The following ESR1 variants were observed in gnomAD, a reference collection of about 807,000 sequenced individuals.
ESR1 encodes estrogen receptor 1, also known as estrogen receptor.
Under a neutral mutation model 52.7 loss-of-function variants are expected in ESR1, and 12 were observed. The ratio of observed to expected loss-of-function variants is 0.23; its 90% CI spans 0.15 to 0.37. ESR1 has a LOEUF of 0.37. Ranked by LOEUF, ESR1 falls within the 10% of genes least tolerant of loss-of-function variation. The probability of loss-of-function intolerance (pLI) is 1.00; values close to 1 mark genes in which losing one functional copy is unlikely to be tolerated. For synonymous variants in ESR1, 305 were observed against 316.8 expected, an observed-to-expected ratio of 0.96 and a Z score of 0.39; for missense variants, 584 against 779.7, an observed-to-expected ratio of 0.75 and a Z score of 2.99.
intron 2 of ESR1, among the ~76,000 whole-genome samples, chr6:151,860,293 CTT>C: frequency 6.6e-6 from 1 of 152,230 alleles, no homozygotes; most frequent in Non-Finnish European, 1.5e-5. Flanking sequence ...TGAAATCTCT[CTT>C]AGCAAATTTC....
At chr6:151,866,843 A>G (rs1342227612) in intron 2 of ESR1, among the ~76,000 whole-genome samples, 1 of 152,180 alleles carries the variant, frequency 6.6e-6, no homozygotes, top group Non-Finnish European at 1.5e-5. Flanking sequence ...GTATATACCC[A>G]GTAATGGGAT....
intron 5 of ESR1, among the ~76,000 whole-genome samples, chr6:152,054,498 G>A (rs1300158566): frequency 1.3e-5 from 2 of 150,672 alleles, no homozygotes; most frequent in African/African-American, 4.9e-5. Flanking sequence ...TTCCAGACTC[G>A]TCTCTCTCCC....
intron 2 of ESR1, among the ~76,000 whole-genome samples, chr6:151,766,166 AC>A (rs1194396584): frequency 2.6e-5 from 4 of 152,076 alleles, no homozygotes; most frequent in Non-Finnish European, 5.9e-5. Context: ...TTTTTGAAGC[AC>A]CCCTCTCTTC....
intron 6 of ESR1, among the ~76,000 whole-genome samples, chr6:152,089,037 C>A: frequency 6.6e-6 from 1 of 152,048 alleles, no homozygotes; most frequent in South Asian, 2.1e-4. Context: ...GTCTCTAGAA[C>A]TTAACAAGGC....
chr6:151,903,689 C>T (rs1165157825), intron 3 of ESR1, among the ~76,000 whole-genome samples: 1 of 152,212 alleles, frequency 6.6e-6, no homozygotes, highest in Non-Finnish European at 1.5e-5. Flanking sequence ...CAGGGAAGAG[C>T]ACCCCTGCCG....
Position 151,892,479 on chromosome 6 carries a change from T to G in ESR1, c.760+11708T>G, listed in dbSNP as rs188029461. ...CACAAAAATGAGTTTGATGCTTTCA[T>G]GATAGTGAAATGAGAAGATGGCCAT... On this transcript the variant is annotated intron_variant, in intron 3 of 7. Coordinates refer to ENST00000206249, the MANE Select transcript of ESR1 (RefSeq NM_000125.4). Among the ~76,000 whole-genome samples, 52 of 151,968 alleles carry G rather than the reference T, an allele frequency of 3.4e-4. No homozygotes were observed. The East Asian group carries it at 7.5e-3, about 22-fold the overall frequency.
At chr6:151,682,969 A>G (rs1778515719) in intron 1 of ESR1, among the ~76,000 whole-genome samples, 1 of 152,174 alleles carries the variant, frequency 6.6e-6, no homozygotes, top group African/African-American at 2.4e-5. Context: ...AAATGCATTC[A>G]TTTTCTAAAT....
At chr6:151,994,528 G>A (rs11969635) in intron 4 of ESR1, among the ~76,000 whole-genome samples, 1,830 of 152,194 alleles carry the variant, frequency 0.012, 35 homozygotes, top group African/African-American at 0.042. Context: ...CAGATAGACC[G>A]TAAGGGTGAG....
At chr6:151,846,961 T>C (rs539107259) in intron 2 of ESR1, among the ~76,000 whole-genome samples, 1 of 152,328 alleles carries the variant, frequency 6.6e-6, no homozygotes, top group South Asian at 2.1e-4. Context: ...ACTGCTTCTC[T>C]TTCATTATTA....
chr6:151,851,549 A>G lies in ESR1; in HGVS notation c.643+8762A>G, dbSNP rs559748866. 6.7e-4 allele frequency among the ~76,000 whole-genome samples: 93 copies of G among 139,832 alleles called. 1 individual carries two copies. Among genetic ancestry groups the G allele is most frequent in the Non-Finnish European group, 1.2e-3 (78 of 65,206 alleles). The allele number at this position is 139,832 out of a possible 152,430, so 91.7% of individuals were successfully genotyped here. On this transcript the variant is annotated intron_variant, in intron 2 of 7. Coordinates refer to ENST00000206249, the MANE Select transcript of ESR1 (RefSeq NM_000125.4). ...GAAGGAGTTTTTTTTTTTTTTTGAG[A>G]CAGAGTCTCACTCTGTCACTGAGGC...
At chr6:151,753,357 G>A (rs143994842) in intron 2 of ESR1, among the ~76,000 whole-genome samples, 2,956 of 144,524 alleles carry the variant, frequency 0.02, 37 homozygotes, top group East Asian at 0.032. Flanking sequence ...TCTGACTCTC[G>A]CCCAGGCTGG....
intron 4 of ESR1, among the ~76,000 whole-genome samples, chr6:151,992,350 C>G (rs2041105545): frequency 6.6e-6 from 1 of 152,146 alleles, no homozygotes; most frequent in Non-Finnish European, 1.5e-5. Context: ...AGGAAACCTC[C>G]CATCTACTTT....
At position 152,113,628 on chromosome 6, in the gene ESR1, CAACAATTTT is replaced by C. The variant is rs571559960; in HGVS notation, c.851-11626_851-11618del. ...ACCACAATCTTAAAAAAGAAAGAAACAACAATTTTAACAATTTTAAGAGACTTTCTCCTC... is the reference window on the plus strand; with the variant it reads ...ACCACAATCTTAAAAAAGAAAGAAACAACAATTTTAAGAGACTTTCTCCTC... On this transcript the variant is annotated intron_variant, in intron 6 of 6. Transcript: ENST00000427531. 6.6e-5 allele frequency among the ~76,000 whole-genome samples: 10 copies of C among 151,798 alleles called. 1 individual carries two copies. The East Asian group carries it at 1.9e-3, about 29-fold the overall frequency.
Position 152,122,335 on chromosome 6 carries a change from G to A in ESR1, c.851-2931G>A, listed in dbSNP as rs571719631. On this transcript the variant is annotated intron_variant, in intron 6 of 6. Coordinates refer to the ESR1 transcript ENST00000427531. ...GAGGGCTAAAGCTGCCACACCGAGG[G>A]CTTTCGCCAAGATCAAGGTCCTCTT... 303 of 1,599,532 alleles carry A rather than the reference G, an allele frequency of 1.9e-4. No homozygotes were observed. The highest frequency in any genetic ancestry group is 7.0e-4 in the Admixed American group (42 of 59,962).
intron 1 of ESR1, among the ~76,000 whole-genome samples, chr6:151,664,188 T>C (rs1447673357): frequency 6.6e-6 from 1 of 152,210 alleles, no homozygotes; most frequent in East Asian, 1.9e-4. Flanking sequence ...GAGAAAACTG[T>C]GTTTAAATCA....
chr6:151,864,570 C>T (rs1789503481), intron 2 of ESR1, among the ~76,000 whole-genome samples: 1 of 152,146 alleles, frequency 6.6e-6, no homozygotes, highest in Non-Finnish European at 1.5e-5. Flanking sequence ...CCATTTGACC[C>T]AGCCATCCCA....
intron 4 of ESR1, among the ~76,000 whole-genome samples, chr6:151,972,668 G>A (rs1366174715): frequency 2.6e-5 from 4 of 152,168 alleles, no homozygotes; most frequent in Non-Finnish European, 5.9e-5. Context: ...AATGGCACCT[G>A]TATTAGGGTT....
At chr6:152,035,726 A>G (rs147578488) in intron 5 of ESR1, among the ~76,000 whole-genome samples, 30 of 152,322 alleles carry the variant, frequency 2.0e-4, no homozygotes, top group South Asian at 6.2e-4. Context: ...ACATTGACTA[A>G]ATAAATAGAA....
chr6:151,772,425 C>T (rs1468524141), intron 2 of ESR1, among the ~76,000 whole-genome samples: 2 of 152,184 alleles, frequency 1.3e-5, no homozygotes, highest in Non-Finnish European at 2.9e-5. Flanking sequence ...GTGGGTGGCA[C>T]TTTGTGTGGT....
Sources: allele counts gnomAD v4.1 joint callset (sites outside exome capture counted in the v4.1 genomes callset), GRCh38; gene constraint gnomAD v4.1.1; transcripts MANE v1.5; gene names NCBI Gene and HGNC (gene_info 2026-07-23, HGNC 2026-07-21).